DYNC1I1: variants seen among roughly 807,000 people sequenced by gnomAD.
DYNC1I1 encodes the protein dynein cytoplasmic 1 intermediate chain 1, also known as cytoplasmic dynein 1 intermediate chain 1.
Under a neutral mutation model 86.6 loss-of-function variants are expected in DYNC1I1, and 43 were observed. That is an observed-to-expected ratio of 0.50 (90% confidence interval 0.39 to 0.64). DYNC1I1 has a LOEUF of 0.64. DYNC1I1 is among the 30% of genes least tolerant of loss of function. DYNC1I1 has a pLI of 0.00. For synonymous variants in DYNC1I1, 262 were observed against 283.7 expected, an observed-to-expected ratio of 0.92 and a Z score of 0.77; for missense variants, 604 against 788.8, an observed-to-expected ratio of 0.77 and a Z score of 2.81.
intron 14 of DYNC1I1, among the ~76,000 whole-genome samples, chr7:96,062,442 T>TC (rs1253402278): frequency 2.0e-5 from 3 of 151,658 alleles, no homozygotes; most frequent in Non-Finnish European, 4.4e-5. Flanking sequence ...TTTTTTTTTT[T>TC]CTCTCTAAAC....
intron 16 of DYNC1I1, among the ~76,000 whole-genome samples, chr7:96,089,498 C>T (rs1037111999): frequency 6.6e-6 from 1 of 152,120 alleles, no homozygotes; most frequent in African/African-American, 2.4e-5. Flanking sequence ...AATTACTTAA[C>T]TGTAGTTGCA....
intron 7 of DYNC1I1, 86 bp from the exon 8 acceptor site, chr7:95,984,729 T>C: frequency 7.4e-7 from 1 of 1,349,532 alleles, no homozygotes; most frequent in Non-Finnish European, 9.9e-7. Flanking sequence ...GCAGTCTCTC[T>C]CAAGAATTGG....
Position 96,080,344 on chromosome 7 carries a change from G to T in DYNC1I1, c.1651-19G>T. On this transcript the variant is annotated intron_variant, in intron 15 of 16. Transcript: ENST00000447467. ...TCATATTCAGAGATTCTTTTATTCT[G>T]TTGTGAACCCTTTGGCAGGTTCCAA... 2 of 1,577,400 alleles carry T rather than the reference G, an allele frequency of 1.3e-6. No homozygotes were observed. The highest frequency in any genetic ancestry group is 1.7e-6 in the Non-Finnish European group (2 of 1,166,000).
intron 14 of DYNC1I1, among the ~76,000 whole-genome samples, chr7:96,056,439 A>G (rs1325941085): frequency 2.0e-5 from 3 of 152,196 alleles, no homozygotes; most frequent in Non-Finnish European, 4.4e-5. Flanking sequence ...TATTGGGAAA[A>G]TAGTTCCTTA....
At chr7:95,865,955 G>A (rs1044509750) in intron 5 of DYNC1I1, among the ~76,000 whole-genome samples, 1 of 152,166 alleles carries the variant, frequency 6.6e-6, no homozygotes, top group South Asian at 2.1e-4. Context: ...GTATCTGGGT[G>A]TACAGTGAAC....
chr7:96,106,669 C>T (rs932854009), intron 16 of DYNC1I1, among the ~76,000 whole-genome samples: 1 of 152,066 alleles, frequency 6.6e-6, no homozygotes, highest in South Asian at 2.1e-4. Flanking sequence ...TATTATTTGA[C>T]CTATGAGATT....
intron 10 of DYNC1I1, among the ~76,000 whole-genome samples, chr7:96,019,261 C>G (rs934849955): frequency 6.7e-6 from 1 of 149,928 alleles, no homozygotes; most frequent in Non-Finnish European, 1.5e-5. Context: ...CAGTAGATCT[C>G]TTGAATTTAT....
intron 5 of DYNC1I1, among the ~76,000 whole-genome samples, chr7:95,869,335 A>G (rs13238310): frequency 0.11 from 15,997 of 152,134 alleles, 874 homozygotes; most frequent in South Asian, 0.18. Context: ...TGCTATATCA[A>G]TGTGTCTTTC....
In DYNC1I1 at chr7:96,064,210, ATCTCTCTCTCTCTC is replaced by A. The variant is rs10557179; in HGVS notation, c.1510-11822_1510-11809del. ...ATATTTCATGGAAAGAAATATTCATATCTCTCTCTCTCTCTCTCTCTCTCTCTCTCTCTCTCTCC... is the reference window on the plus strand; with the variant it reads ...ATATTTCATGGAAAGAAATATTCATATCTCTCTCTCTCTCTCTCTCTCTCC... On this transcript the variant is annotated intron_variant, in intron 14 of 16. Coordinates refer to ENST00000447467, the MANE Select transcript of DYNC1I1 (RefSeq NM_001135556.2). Among the ~76,000 whole-genome samples, 103 of 140,928 alleles carry A rather than the reference ATCTCTCTCTCTCTC, an allele frequency of 7.3e-4. 2 individuals carry two copies. Among genetic ancestry groups the A allele is most frequent in the Non-Finnish European group, 9.4e-4 (61 of 64,890 alleles). 92.5% of individuals were successfully genotyped at this position (140,928 alleles called of 152,430 possible). A position where few individuals can be genotyped will look rare whatever the true frequency, so the allele number is the denominator to read the frequency against.
intron 5 of DYNC1I1, among the ~76,000 whole-genome samples, chr7:95,836,071 T>C (rs1428309674): frequency 2.0e-5 from 3 of 152,356 alleles, no homozygotes; most frequent in East Asian, 1.9e-4. Flanking sequence ...CTAGTCTTGA[T>C]GGTCTTTACA....
Position 96,021,460 on chromosome 7 carries a change from T to C in DYNC1I1, c.970-6715T>C, listed in dbSNP as rs563928394. Among the ~76,000 whole-genome samples, 11 of 152,236 alleles carry C rather than the reference T, an allele frequency of 7.2e-5. No homozygotes were observed. The East Asian group carries it at 2.1e-3, about 29-fold the overall frequency. On this transcript the variant is annotated intron_variant, in intron 10 of 16. Transcript: ENST00000447467. ...ACACAGTTGTCTTGAAGATAACAAA[T>C]AAGGTTGGTAAGTTTCATGAGGTCA...
chr7:95,977,245 G>T (rs777926097), intron 6 of DYNC1I1, among the ~76,000 whole-genome samples: 1 of 152,144 alleles, frequency 6.6e-6, no homozygotes, highest in Non-Finnish European at 1.5e-5. Context: ...GACATCCCAC[G>T]TGGTGAGGGC....
intron 1 of DYNC1I1, among the ~76,000 whole-genome samples, chr7:95,774,415 C>T (rs1793789499): frequency 6.6e-6 from 1 of 152,292 alleles, no homozygotes; most frequent in Non-Finnish European, 1.5e-5. Flanking sequence ...TCCTTCCCCA[C>T]CCCCAGCCTT....
At chr7:95,870,698 A>C (rs1790140188) in intron 6 of DYNC1I1, among the ~76,000 whole-genome samples, 1 of 152,378 alleles carries the variant, frequency 6.6e-6, no homozygotes, top group South Asian at 2.1e-4. Context: ...TGCCAGAAAA[A>C]TATCAAGTGA....
intron 5 of DYNC1I1, among the ~76,000 whole-genome samples, chr7:95,861,840 C>T (rs1447984871): frequency 1.3e-5 from 2 of 152,158 alleles, no homozygotes; most frequent in Non-Finnish European, 2.9e-5. Context: ...GGTCTCTCCC[C>T]TTGAATCCAT....
At chr7:95,994,230 A>G (rs1022474694) in intron 9 of DYNC1I1, among the ~76,000 whole-genome samples, 1 of 152,322 alleles carries the variant, frequency 6.6e-6, no homozygotes, top group Non-Finnish European at 1.5e-5. Flanking sequence ...TTTTGGCACA[A>G]GTTTATTATA....
chr7:95,826,518 A>G (rs140650173), intron 4 of DYNC1I1, among the ~76,000 whole-genome samples: 1 of 152,332 alleles, frequency 6.6e-6, no homozygotes, highest in Admixed American at 6.5e-5. Flanking sequence ...ATATCGTATT[A>G]TATAAGCACA....
chr7:95,856,648 G>T (rs1267046851), intron 5 of DYNC1I1, among the ~76,000 whole-genome samples: 1 of 152,124 alleles, frequency 6.6e-6, no homozygotes, highest in Non-Finnish European at 1.5e-5. Flanking sequence ...ATCACCTCTA[G>T]GGATTCCTCA....
At chr7:96,082,472 G>T (rs1184708666) in intron 16 of DYNC1I1, among the ~76,000 whole-genome samples, 1 of 151,874 alleles carries the variant, frequency 6.6e-6, no homozygotes, top group African/African-American at 2.4e-5. Flanking sequence ...TACACATAAC[G>T]TCCCTTAACT....
Sources: gnomAD v4.1 joint callset for allele counts (sites outside exome capture counted in the v4.1 genomes callset) on GRCh38, gnomAD v4.1.1 for gene constraint, MANE v1.5 for transcripts, NCBI Gene and HGNC (gene_info 2026-07-23, HGNC 2026-07-21) for gene names.